The following RYK variants were observed in gnomAD, a reference collection of about 807,000 sequenced individuals.
RYK encodes receptor like tyrosine kinase.
In RYK, 21 loss-of-function variants were observed where a neutral mutation model predicts 70.2. That is an observed-to-expected ratio of 0.30 (90% CI 0.21 to 0.43). The LOEUF is 0.43. Ranked by LOEUF, RYK falls within the 20% of genes least tolerant of loss-of-function variation. The probability of loss-of-function intolerance (pLI) is 1.00; values close to 1 mark genes in which losing one functional copy is unlikely to be tolerated. For missense variants in RYK, 604 were observed against 753.3 expected, an observed-to-expected ratio of 0.80 and a Z score of 2.32; for synonymous variants, 267 against 278.0, an observed-to-expected ratio of 0.96 and a Z score of 0.39.
intron 9 of RYK, among the ~76,000 whole-genome samples, chr3:134,187,015 A>T (rs1169941246): frequency 6.6e-6 from 1 of 152,200 alleles, no homozygotes; most frequent in Non-Finnish European, 1.5e-5. Context: ...CCTAACTTAC[A>T]CTTGGTCTTA....
Position 134,188,825 on chromosome 3 carries a change from A to T in RYK, c.1102+12T>A, listed in dbSNP as rs757809332. Reference sequence around the variant, plus strand: ...AGAGCATCATGGAAATACTATGGAAAAAAGATCCTACCTTTAACTGTTTTG... The same window carrying T: ...AGAGCATCATGGAAATACTATGGAATAAAGATCCTACCTTTAACTGTTTTG... On this transcript the variant is annotated intron_variant, in intron 9 of 14. Transcript: ENST00000623711. 2.7e-6 allele frequency: 4 copies of T among 1,497,560 alleles called. No individual in the cohort carries two copies. The highest frequency in any genetic ancestry group is 1.2e-5 in the South Asian group (1 of 84,450). 92.8% of individuals were successfully genotyped at this position (1,497,560 alleles called of 1,614,324 possible).
At chr3:134,240,835 T>C (rs2015304377) in intron 1 of RYK, among the ~76,000 whole-genome samples, 1 of 152,230 alleles carries the variant, frequency 6.6e-6, no homozygotes, top group South Asian at 2.1e-4. Flanking sequence ...ACCACTGACA[T>C]TTCTCCTTGC....
In RYK at chr3:134,207,514, C is replaced by T; in HGVS notation, c.601G>A (p.Val201Ile). Residue 201 changes from valine (V) to isoleucine (I), a missense_variant, in exon 5 of 15, where the codon GTA (valine) becomes ATA (isoleucine). By Grantham distance (29) the Val-to-Ile change is conservative (BLOSUM62 3). Coordinates refer to ENST00000623711, the MANE Select transcript of RYK (RefSeq NM_002958.4). ...TTTTTGTCCAAGGCTGAAGTTTTTACTTCTTCAAGTTCTGAATTTAAAGGA... is the reference window on the plus strand; with the variant it reads ...TTTTTGTCCAAGGCTGAAGTTTTTATTTCTTCAAGTTCTGAATTTAAAGGA... ...RKMCYKKLEEVKTSALDKNTS... is the reference protein window; with the variant it reads ...RKMCYKKLEEIKTSALDKNTS... 1 of 1,539,688 alleles carries T rather than the reference C, an allele frequency of 6.5e-7. No individual in the cohort carries two copies. Among genetic ancestry groups the T allele is most frequent in the Non-Finnish European group, 8.8e-7 (1 of 1,139,042 alleles).
chr3:134,190,824 T>C (rs1342347599), intron 8 of RYK, among the ~76,000 whole-genome samples: 1 of 152,232 alleles, frequency 6.6e-6, no homozygotes, highest in African/African-American at 2.4e-5. Flanking sequence ...ATAACATTAA[T>C]TGATCTCTCA....
intron 1 of RYK, among the ~76,000 whole-genome samples, chr3:134,238,356 TGA>T (rs1463478010): frequency 6.6e-6 from 1 of 152,206 alleles, no homozygotes; most frequent in African/African-American, 2.4e-5. Context: ...AGAACTGTCT[TGA>T]GAGTGTATGT....
chr3:134,234,998 G>C (rs966652156), intron 1 of RYK, among the ~76,000 whole-genome samples: 7 of 152,028 alleles, frequency 4.6e-5, no homozygotes, highest in Admixed American at 4.6e-4. Context: ...GTACTCTATA[G>C]GAAATGTGAC....
At position 134,159,188 on chromosome 3, in the gene RYK, A is replaced by C. The variant is rs748722219; in HGVS notation, c.1712+49T>G. 7 of 1,580,720 alleles carry C rather than the reference A, an allele frequency of 4.4e-6. No individual in the cohort carries two copies. The South Asian group carries it at 7.8e-5, about 18-fold the overall frequency. On this transcript the variant is annotated intron_variant, in intron 14 of 14. Coordinates refer to ENST00000623711, the MANE Select transcript of RYK (RefSeq NM_002958.4). ...AACCTGCTCTTTTTCCTTTATTCCAATATAGTAAATGGAATAAAACTCATG... is the reference window on the plus strand; with the variant it reads ...AACCTGCTCTTTTTCCTTTATTCCACTATAGTAAATGGAATAAAACTCATG...
At position 134,191,880 on chromosome 3, in the gene RYK, C is replaced by T. The variant is rs368346060; in HGVS notation, c.984G>A (p.Glu328=). ...GKVKDIAISR[E]RITLKDVLQE... ...GGAGTACATCTTTTAGAGTTATCCT[C>T]TCTCTGGATATTGCTATATCCTTCA... Residue 328 remains glutamate, a synonymous_variant, in exon 8 of 15, where the codon GAG becomes GAA. Transcript: ENST00000623711. 6.2e-7 allele frequency: 1 copy of T among 1,612,012 alleles called. No individual in the cohort carries two copies. The highest frequency in any genetic ancestry group is 8.5e-7 in the Non-Finnish European group (1 of 1,178,964).
At chr3:134,187,996 G>C (rs2013522992) in intron 9 of RYK, among the ~76,000 whole-genome samples, 1 of 151,876 alleles carries the variant, frequency 6.6e-6, no homozygotes. Context: ...GTAGTATCTT[G>C]ATAGGGAATC....
At chr3:134,212,257 C>T (rs2014422556) in intron 2 of RYK, among the ~76,000 whole-genome samples, 1 of 152,230 alleles carries the variant, frequency 6.6e-6, no homozygotes. Flanking sequence ...TCTATCAATA[C>T]TTGGCCTACC....
chr3:134,223,520 T>G lies in RYK; in HGVS notation c.233-981A>C, dbSNP rs554993462. Among the ~76,000 whole-genome samples the G allele has an allele frequency of 1.0e-3, 157 of 151,816 alleles. 1 individual carries two copies. Among genetic ancestry groups the G allele is most frequent in the Non-Finnish European group, 1.8e-3 (121 of 67,998 alleles). On this transcript the variant is annotated intron_variant, in intron 1 of 14. Transcript: ENST00000623711. The stretch of plus-strand genomic sequence containing the variant: ...GTACTAAATTCTAGCTCAATTCTGG[T>G]GCCTACCAAGAAGGCAGTGAACTTG...
intron 13 of RYK, among the ~76,000 whole-genome samples, chr3:134,168,897 C>A (rs1209488721): frequency 1.3e-5 from 2 of 152,148 alleles, no homozygotes; most frequent in Non-Finnish European, 2.9e-5. Flanking sequence ...CCGCTCAGGT[C>A]GCTCAGGATA....
chr3:134,231,644 T>C (rs965628677), intron 1 of RYK, among the ~76,000 whole-genome samples: 1 of 152,128 alleles, frequency 6.6e-6, no homozygotes, highest in African/African-American at 2.4e-5. Context: ...CCCTCTGACT[T>C]CCACCAACCT....
chr3:134,192,266 A>G (rs2013666848), intron 7 of RYK, among the ~76,000 whole-genome samples: 1 of 152,186 alleles, frequency 6.6e-6, no homozygotes, highest in Non-Finnish European at 1.5e-5. Context: ...CCTTTTAGCC[A>G]AATGAAACAA....
At position 134,207,459 on chromosome 3, in the gene RYK, C is replaced by A; in HGVS notation, c.643+13G>T. The A allele has an allele frequency of 6.6e-7, 1 of 1,507,596 alleles. No homozygotes were observed. Among genetic ancestry groups the A allele is most frequent in the Non-Finnish European group, 9.0e-7 (1 of 1,115,396 alleles). The allele number at this position is 1,507,596 out of a possible 1,614,324, so 93.4% of individuals were successfully genotyped here. On this transcript the variant is annotated intron_variant, in intron 5 of 14. Transcript: ENST00000623711. ...TTTCTAATAATGGATAAAGATAATA[C>A]AGTAACACTTACAAATAGTTCTGCT...
At chr3:134,166,600 T>C (rs762820044) in intron 13 of RYK, among the ~76,000 whole-genome samples, 55 of 152,218 alleles carry the variant, frequency 3.6e-4, no homozygotes, top group Non-Finnish European at 6.3e-4. Context: ...ATTACACATA[T>C]CTGTTATTTA....
intron 1 of RYK, among the ~76,000 whole-genome samples, chr3:134,236,842 G>GA (rs2015210510): frequency 6.6e-6 from 1 of 152,100 alleles, no homozygotes; most frequent in African/African-American, 2.4e-5. Context: ...ACAAGAACAA[G>GA]AATGGACAGC....
intron 4 of RYK, among the ~76,000 whole-genome samples, chr3:134,207,784 A>G (rs946128714): frequency 5.9e-5 from 9 of 152,210 alleles, no homozygotes; most frequent in Admixed American, 1.3e-4. Flanking sequence ...GCCACATACT[A>G]TAGTGTCTCT....
At chr3:134,231,715 T>G (rs747750500) in intron 1 of RYK, among the ~76,000 whole-genome samples, 9 of 152,160 alleles carry the variant, frequency 5.9e-5, no homozygotes, top group Non-Finnish European at 1.3e-4. Context: ...GCCCATTCTC[T>G]TACCCTCAGT....
Sources: allele counts gnomAD v4.1 joint callset (sites outside exome capture counted in the v4.1 genomes callset), GRCh38; gene constraint gnomAD v4.1.1; transcripts MANE v1.5; gene names NCBI Gene and HGNC (gene_info 2026-07-23, HGNC 2026-07-21).